Variants in TNFAIP8L3 observed in about 807,000 individuals in gnomAD.
The protein encoded by TNFAIP8L3 is tumor necrosis factor alpha-induced protein 8-like protein 3.
A neutral mutation model predicts 11.8 loss-of-function variants in TNFAIP8L3; 7 were observed. The observed-to-expected ratio is 0.59, with a 90% CI of 0.34 to 1.11. TNFAIP8L3 has a LOEUF of 1.11. Ranked by LOEUF, TNFAIP8L3 falls within the 50% of genes most tolerant of loss-of-function variation. The pLI is 0.03. For synonymous variants in TNFAIP8L3, 98 were observed against 103.8 expected (o/e 0.94, Z 0.34); for missense variants, 219 against 258.6 (o/e 0.85, Z 1.05).
At chr15:51,060,253 A>G (rs1468458417) in intron 1 of TNFAIP8L3, among the ~76,000 whole-genome samples, 1 of 152,232 alleles carries the variant, frequency 6.6e-6, no homozygotes, top group African/African-American at 2.4e-5. Flanking sequence ...TTGTTCTCCA[A>G]AAGCAAATAT....
At chr15:51,082,753 A>G (rs1055478394) in intron 1 of TNFAIP8L3, among the ~76,000 whole-genome samples, 2 of 151,956 alleles carry the variant, frequency 1.3e-5, no homozygotes, top group African/African-American at 4.8e-5. Flanking sequence ...TACTTTTTAA[A>G]CTTTTTTGTT....
intron 1 of TNFAIP8L3, among the ~76,000 whole-genome samples, chr15:51,072,178 T>C (rs1248316582): frequency 6.6e-6 from 1 of 152,194 alleles, no homozygotes; most frequent in East Asian, 1.9e-4. Flanking sequence ...TTCACTCTTG[T>C]TGCCCAGGCT....
At chr15:51,093,171 T>TA (rs1243693825) in intron 1 of TNFAIP8L3, among the ~76,000 whole-genome samples, 8 of 152,218 alleles carry the variant, frequency 5.3e-5, no homozygotes, top group African/African-American at 1.9e-4. Context: ...AATTATATCA[T>TA]ACCTAGGCAA....
intron 1 of TNFAIP8L3, among the ~76,000 whole-genome samples, chr15:51,062,621 C>T (rs889283207): frequency 6.6e-6 from 1 of 152,200 alleles, no homozygotes; most frequent in African/African-American, 2.4e-5. Context: ...TCTGCAAGAG[C>T]AGCAGCCTTC....
At chr15:51,079,577 T>C (rs976344448) in intron 1 of TNFAIP8L3, among the ~76,000 whole-genome samples, 3 of 152,182 alleles carry the variant, frequency 2.0e-5, no homozygotes, top group African/African-American at 2.4e-5. Flanking sequence ...ACCAGGGGCC[T>C]GAGACACTCT....
At chr15:51,069,153 C>T (rs947531100) in intron 1 of TNFAIP8L3, among the ~76,000 whole-genome samples, 7 of 152,186 alleles carry the variant, frequency 4.6e-5, no homozygotes, top group African/African-American at 1.7e-4. Flanking sequence ...GACCAGCTTT[C>T]CTGACTCCAG....
chr15:51,096,490 C>T (rs2065514330), upstream of TNFAIP8L3, among the ~76,000 whole-genome samples: 2 of 152,084 alleles, frequency 1.3e-5, no homozygotes, highest in Admixed American at 6.5e-5. Flanking sequence ...TTACCCAATG[C>T]CTGGCACACA....
chr15:51,094,688 C>T lies in TNFAIP8L3; in HGVS notation c.-93G>A. 3.5e-6 allele frequency: 4 copies of T among 1,143,878 alleles called. No homozygotes were observed. The highest frequency in any genetic ancestry group is 4.3e-6 in the Non-Finnish European group (4 of 935,106). The allele number at this position is 1,143,878 out of a possible 1,614,324, so 70.9% of individuals were successfully genotyped here. The stretch of plus-strand genomic sequence containing the variant: ...GCACTCAGGGCGGACAGCGGGGCGG[C>T]TGGAGCCCGGGCGGCGCGGGCGGCG... On this transcript the variant is annotated 5_prime_UTR_variant, in exon 1 of 2. Coordinates refer to ENST00000637513, the MANE Select transcript of TNFAIP8L3 (RefSeq NM_001311175.2). The surrounding 1 kb of genome is among the most constrained non-coding windows in gnomAD (Gnocchi z 4.4).
chr15:51,090,149 TG>T (rs1329805900), intron 1 of TNFAIP8L3, among the ~76,000 whole-genome samples: 9 of 152,204 alleles, frequency 5.9e-5, no homozygotes, highest in African/African-American at 2.2e-4. Flanking sequence ...TGGGGGAGCC[TG>T]TCTCCTGCAT....
exon 1 of TNFAIP8L3, chr15:51,105,068 C>T (rs774166285): frequency 1.2e-6 from 2 of 1,614,232 alleles, no homozygotes; most frequent in Non-Finnish European, 1.7e-6. Flanking sequence ...AACGTGGCAT[C>T]CCTTGTGCCT....
intron 1 of TNFAIP8L3, among the ~76,000 whole-genome samples, chr15:51,102,285 G>A (rs773411397): frequency 7.9e-5 from 12 of 152,144 alleles, no homozygotes; most frequent in Non-Finnish European, 1.5e-4. Context: ...GTATCCTCTC[G>A]TGGTTTATGT....
At chr15:51,064,574 A>G (rs1382636490) in intron 1 of TNFAIP8L3, 1 of 152,218 alleles carries the variant, frequency 6.6e-6, no homozygotes, top group Non-Finnish European at 1.5e-5. Context: ...AAATCAAGAC[A>G]CTGGTCAACA....
upstream of TNFAIP8L3, among the ~76,000 whole-genome samples, chr15:51,098,693 G>A (rs987044836): frequency 2.0e-5 from 3 of 152,156 alleles, no homozygotes; most frequent in Admixed American, 6.5e-5. Context: ...AAATTAATTC[G>A]TAATTTTACT....
chr15:51,077,863 T>C (rs1276344629), intron 1 of TNFAIP8L3, among the ~76,000 whole-genome samples: 1 of 152,226 alleles, frequency 6.6e-6, no homozygotes, highest in East Asian at 1.9e-4. Flanking sequence ...GGTGGAAGCC[T>C]GTTAGCAGGA....
At chr15:51,086,549 C>T (rs1426727595) in intron 1 of TNFAIP8L3, among the ~76,000 whole-genome samples, 1 of 152,180 alleles carries the variant, frequency 6.6e-6, no homozygotes, top group Non-Finnish European at 1.5e-5. Context: ...AATCTAATTA[C>T]GTAGTCTACC....
intron 1 of TNFAIP8L3, among the ~76,000 whole-genome samples, chr15:51,078,443 A>G (rs910569168): frequency 6.6e-6 from 1 of 150,618 alleles, no homozygotes; most frequent in East Asian, 2.0e-4. Context: ...TCCTAACCCC[A>G]CCTCTTCTGG....
At chr15:51,064,080 A>G (rs2140964689) in intron 1 of TNFAIP8L3, among the ~76,000 whole-genome samples, 1 of 152,338 alleles carries the variant, frequency 6.6e-6, no homozygotes, top group African/African-American at 2.4e-5. Flanking sequence ...TTAAAGATCA[A>G]AAGTGTCATG....
At chr15:51,088,774 C>T (rs1461311134) in intron 1 of TNFAIP8L3, among the ~76,000 whole-genome samples, 1 of 152,236 alleles carries the variant, frequency 6.6e-6, no homozygotes, top group South Asian at 2.1e-4. Flanking sequence ...GTGGAGGCCA[C>T]CTGTGGTGAC....
chr15:51,105,208 C>T (rs917794430), exon 1 of TNFAIP8L3: 3 of 1,607,208 alleles, frequency 1.9e-6, no homozygotes, highest in African/African-American at 1.3e-5. Context: ...GGGACAGTAG[C>T]CCTAACTTGC....
Sources: gnomAD v4.1 joint callset for allele counts (sites outside exome capture counted in the v4.1 genomes callset) on GRCh38, gnomAD v4.1.1 for gene constraint, Gnocchi (gnomAD v3.1) non-coding constraint, MANE v1.5 for transcripts, NCBI Gene and HGNC (gene_info 2026-07-23, HGNC 2026-07-21) for gene names.